The following MSI2 variants were observed in gnomAD, a reference collection of about 807,000 sequenced individuals.
MSI2 encodes musashi RNA binding protein 2, also known as RNA-binding protein Musashi homolog 2.
MSI2 carries 17 observed loss-of-function variants against 45.6 expected under a neutral mutation model. The observed-to-expected ratio is 0.37, with a 90% CI of 0.26 to 0.56. The LOEUF (loss-of-function observed/expected upper bound fraction) is 0.56, where lower values mean the gene tolerates loss of function less well. MSI2 is among the 20% of genes least tolerant of loss of function. The pLI, the probability that MSI2 is intolerant of heterozygous loss-of-function variation, is 0.77. For synonymous variants in MSI2, 156 were observed against 158.2 expected, an observed-to-expected ratio of 0.99 and a Z score of 0.11; for missense variants, 293 against 444.2, an observed-to-expected ratio of 0.66 and a Z score of 3.06.
intron 8 of MSI2, among the ~76,000 whole-genome samples, chr17:57,607,858 G>C (rs926064146): frequency 4.6e-5 from 7 of 152,150 alleles, no homozygotes; most frequent in East Asian, 1.9e-4. Context: ...GCAAGCGAGA[G>C]AGTGCAGGGA....
At position 57,652,026 on chromosome 17, in the gene MSI2, C is replaced by T. The variant is rs1468571283; in HGVS notation, c.728-73C>T. The stretch of plus-strand genomic sequence containing the variant: ...GTGTGGAGGGCGGGGGGTTGTGTGG[C>T]CCGTGACCTAGGTCTGTGCCTGGCC... On this transcript the variant is annotated intron_variant, in intron 10 of 13. Coordinates refer to ENST00000284073, the MANE Select transcript of MSI2 (RefSeq NM_138962.4). This position sits in a 1 kb window ranked among gnomAD's most constrained non-coding sequence, Gnocchi z 4.1. 6 of 1,422,792 alleles carry T rather than the reference C, an allele frequency of 4.2e-6. No homozygotes were observed. In the East Asian group the frequency reaches 1.1e-4, roughly 27 times the overall value. The allele number at this position is 1,422,792 out of a possible 1,614,324, so 88.1% of individuals were successfully genotyped here.
At chr17:57,447,267 G>A (rs968401354) in intron 6 of MSI2, among the ~76,000 whole-genome samples, 9 of 151,962 alleles carry the variant, frequency 5.9e-5, no homozygotes, top group African/African-American at 9.7e-5. Flanking sequence ...GTTTTGTTTC[G>A]TTATTTATTT....
intron 6 of MSI2, among the ~76,000 whole-genome samples, chr17:57,481,846 C>T (rs2085654510): frequency 6.6e-6 from 1 of 152,262 alleles, no homozygotes; most frequent in African/African-American, 2.4e-5. Flanking sequence ...TGTTATTCAG[C>T]TTGATTGCAG....
At chr17:57,519,461 T>C (rs2086539383) in intron 6 of MSI2, among the ~76,000 whole-genome samples, 1 of 152,172 alleles carries the variant, frequency 6.6e-6, no homozygotes, top group African/African-American at 2.4e-5. Context: ...GAGCCTGGAC[T>C]GCGTTCCAGA....
chr17:57,446,095 G>C (rs986531428), intron 6 of MSI2, among the ~76,000 whole-genome samples: 7 of 152,076 alleles, frequency 4.6e-5, no homozygotes, highest in Non-Finnish European at 1.0e-4. Flanking sequence ...TACTGATACC[G>C]ATCGGTGCAG....
rs201689064 is a variant in MSI2, at chr17:57,369,224, A to AT, written c.313-32154dup. 7.4e-3 allele frequency among the ~76,000 whole-genome samples: 1,126 copies of AT among 152,286 alleles called. 6 individuals carry two copies. Among genetic ancestry groups the AT allele is most frequent in the Non-Finnish European group, 0.013 (861 of 68,006 alleles). ...AGTTGTCCTGCAGCAAGCCAGGGTT[A>AT]TGCCACCCTGTCAGCTATGCCAGAA... On this transcript the variant is annotated intron_variant, in intron 5 of 13. Coordinates refer to ENST00000284073, the MANE Select transcript of MSI2 (RefSeq NM_138962.4).
chr17:57,573,158 T>C (rs961991478), intron 7 of MSI2, among the ~76,000 whole-genome samples: 16 of 152,222 alleles, frequency 1.1e-4, no homozygotes, highest in African/African-American at 3.6e-4. Flanking sequence ...TGCCCTTATT[T>C]GTCAGCATTG....
intron 5 of MSI2, among the ~76,000 whole-genome samples, chr17:57,311,333 A>C (rs1158206330): frequency 6.6e-6 from 1 of 152,244 alleles, no homozygotes; most frequent in Non-Finnish European, 1.5e-5. Flanking sequence ...TCTTTGCCAG[A>C]AGCAGGGTTC....
At chr17:57,420,294 G>A (rs756389835) in intron 6 of MSI2, among the ~76,000 whole-genome samples, 3 of 152,176 alleles carry the variant, frequency 2.0e-5, no homozygotes, top group Non-Finnish European at 2.9e-5. Context: ...ACTGACGTTC[G>A]GGGCAGTCTG....
At chr17:57,602,730 A>G (rs1906045674) in intron 8 of MSI2, among the ~76,000 whole-genome samples, 1 of 152,186 alleles carries the variant, frequency 6.6e-6, no homozygotes, top group East Asian at 1.9e-4. Context: ...TAAGTAACTC[A>G]TGGGTACAGC....
intron 6 of MSI2, among the ~76,000 whole-genome samples, chr17:57,478,291 G>T (rs1387531171): frequency 6.6e-6 from 1 of 152,236 alleles, no homozygotes; most frequent in Non-Finnish European, 1.5e-5. Flanking sequence ...ATGGCACCTA[G>T]TGGGCCCCAG....
intron 7 of MSI2, among the ~76,000 whole-genome samples, chr17:57,547,288 C>A (rs561473720): frequency 8.5e-5 from 13 of 152,222 alleles, no homozygotes; most frequent in Admixed American, 4.6e-4. Flanking sequence ...AGATGGGAAC[C>A]CTCAGGAGGA....
intron 12 of MSI2, among the ~76,000 whole-genome samples, chr17:57,676,650 G>C (rs112107277): frequency 6.6e-6 from 1 of 152,192 alleles, no homozygotes; most frequent in Admixed American, 6.5e-5. Flanking sequence ...TTGGGACTGC[G>C]GACAGAGACT....
At chr17:57,340,864 C>T (rs1915082906) in intron 5 of MSI2, among the ~76,000 whole-genome samples, 1 of 152,168 alleles carries the variant, frequency 6.6e-6, no homozygotes, top group Non-Finnish European at 1.5e-5. Flanking sequence ...AAGCCCAGTC[C>T]CTGGTCACTG....
intron 5 of MSI2, among the ~76,000 whole-genome samples, chr17:57,289,036 G>A (rs112978753): frequency 2.6e-5 from 4 of 152,152 alleles, no homozygotes; most frequent in African/African-American, 7.2e-5. Context: ...TATAAGAAGG[G>A]GAAATATTTG....
chr17:57,350,104 C>T (rs1489393476), intron 5 of MSI2, among the ~76,000 whole-genome samples: 2 of 152,098 alleles, frequency 1.3e-5, no homozygotes, highest in African/African-American at 2.4e-5. Context: ...AAGTAACTTA[C>T]GTGTTCCAGT....
At position 57,363,333 on chromosome 17, in the gene MSI2, TCACTCAG is replaced by T. The variant is rs571472185; in HGVS notation, c.313-38043_313-38037del. On this transcript the variant is annotated intron_variant, in intron 5 of 13. Transcript: ENST00000284073. ...ATAGAGCTCCCCACCCCTTATGACA[TCACTCAG>T]CAACTTTATTTATTAGGTCACAAGG... Among the ~76,000 whole-genome samples, 271 of 152,248 alleles carry T rather than the reference TCACTCAG, an allele frequency of 1.8e-3. 4 individuals are homozygous for T. In the Middle Eastern group the frequency reaches 0.031, roughly 17 times the overall value.
chr17:57,602,509 C>A (rs1457403755), intron 8 of MSI2, among the ~76,000 whole-genome samples: 2 of 152,152 alleles, frequency 1.3e-5, no homozygotes, highest in Non-Finnish European at 2.9e-5. Flanking sequence ...TGCGCCACCA[C>A]GCCCAGCTAA....
At chr17:57,285,856 A>G (rs1174805837) in intron 5 of MSI2, 1 of 1,510,058 alleles carries the variant, frequency 6.6e-7, no homozygotes, top group African/African-American at 1.4e-5. Context: ...TCTGTTGTGT[A>G]GTTCTGATTT....
Sources: gnomAD v4.1 joint callset for allele counts (sites outside exome capture counted in the v4.1 genomes callset) on GRCh38, gnomAD v4.1.1 for gene constraint, Gnocchi (gnomAD v3.1) non-coding constraint, MANE v1.5 for transcripts, NCBI Gene and HGNC (gene_info 2026-07-23, HGNC 2026-07-21) for gene names.